PDGFD: variants seen among roughly 807,000 people sequenced by gnomAD.
PDGFD encodes platelet-derived growth factor D.
Under a neutral mutation model 44.7 loss-of-function variants are expected in PDGFD, and 30 were observed. The ratio of observed to expected loss-of-function variants is 0.67; its 90% CI spans 0.50 to 0.91. The LOEUF (loss-of-function observed/expected upper bound fraction) is 0.91. PDGFD is among the 40% of genes least tolerant of loss of function. The pLI, the probability that PDGFD is intolerant of heterozygous loss-of-function variation, is 0.00. For synonymous variants in PDGFD, 173 were observed against 168.4 expected, an observed-to-expected ratio of 1.03 and a Z score of -0.21; for missense variants, 445 against 457.8, an observed-to-expected ratio of 0.97 and a Z score of 0.25.
intron 1 of PDGFD, among the ~76,000 whole-genome samples, chr11:104,045,850 A>T (rs928906739): frequency 6.8e-6 from 1 of 147,296 alleles, no homozygotes; most frequent in African/African-American, 2.5e-5. Flanking sequence ...GTTTTTGATA[A>T]AGAAATGTGC....
At position 103,923,091 on chromosome 11, in the gene PDGFD, A is replaced by G. The variant is rs148870587; in HGVS notation, c.987+3821T>C. Reference sequence around the variant, plus strand: ...CTTACCAAGGCCTCTGTGTCACGTAAAACATATTCAATAAATGAGTACACT... The same window carrying G: ...CTTACCAAGGCCTCTGTGTCACGTAGAACATATTCAATAAATGAGTACACT... On this transcript the variant is annotated intron_variant, in intron 6 of 6. Coordinates refer to ENST00000393158, the MANE Select transcript of PDGFD (RefSeq NM_025208.5). Among the ~76,000 whole-genome samples, 67 of 152,296 alleles carry G rather than the reference A, an allele frequency of 4.4e-4. No homozygotes were observed. In the East Asian group the frequency reaches 0.013, roughly 29 times the overall value.
At chr11:103,956,026 T>C (rs866708167) in intron 3 of PDGFD, among the ~76,000 whole-genome samples, 13 of 152,046 alleles carry the variant, frequency 8.6e-5, no homozygotes, top group African/African-American at 2.9e-4. Flanking sequence ...ATTTTTATAC[T>C]TGTTAGTTTC....
intron 1 of PDGFD, among the ~76,000 whole-genome samples, chr11:104,141,704 G>A (rs1228655704): frequency 1.3e-5 from 2 of 152,092 alleles, no homozygotes; most frequent in Non-Finnish European, 2.9e-5. Flanking sequence ...TGAAGCTAGG[G>A]AGCATTTAAC....
At chr11:104,121,773 T>A (rs1032174131) in intron 1 of PDGFD, among the ~76,000 whole-genome samples, 1 of 152,060 alleles carries the variant, frequency 6.6e-6, no homozygotes, top group Non-Finnish European at 1.5e-5. Context: ...GTTTCATTAT[T>A]TTATGGATGA....
At chr11:104,087,434 C>G (rs1321351332) in intron 1 of PDGFD, among the ~76,000 whole-genome samples, 1 of 152,020 alleles carries the variant, frequency 6.6e-6, no homozygotes, top group Admixed American at 6.6e-5. Context: ...GTCTCAATCT[C>G]CTGGCCTCAT....
At position 104,103,771 on chromosome 11, in the gene PDGFD, A is replaced by T. The variant is rs562894006; in HGVS notation, c.124+60033T>A. Among the ~76,000 whole-genome samples, 9 of 152,232 alleles carry T rather than the reference A, an allele frequency of 5.9e-5. No individual in the cohort carries two copies. The South Asian group carries it at 1.9e-3, about 32-fold the overall frequency. Reference sequence around the variant, plus strand: ...TTACTCTACTGCCAGTCATAAAAAAAGTATAGCACATACAATGGGGTGCAT... The same window carrying T: ...TTACTCTACTGCCAGTCATAAAAAATGTATAGCACATACAATGGGGTGCAT... On this transcript the variant is annotated intron_variant, in intron 1 of 6. Coordinates refer to ENST00000393158, the MANE Select transcript of PDGFD (RefSeq NM_025208.5).
At chr11:104,044,014 A>C (rs1295793729) in intron 1 of PDGFD, among the ~76,000 whole-genome samples, 2 of 152,252 alleles carry the variant, frequency 1.3e-5, no homozygotes, top group Non-Finnish European at 2.9e-5. Context: ...GGGCTTACAC[A>C]ATAGGCGAAC....
chr11:104,069,631 C>T (rs1308205201), intron 1 of PDGFD, among the ~76,000 whole-genome samples: 1 of 152,140 alleles, frequency 6.6e-6, no homozygotes, highest in Non-Finnish European at 1.5e-5. Flanking sequence ...GAGTTCGAGG[C>T]CAGCGGATCA....
At chr11:104,065,622 C>T (rs539611337) in intron 1 of PDGFD, among the ~76,000 whole-genome samples, 119 of 152,096 alleles carry the variant, frequency 7.8e-4, no homozygotes, top group Non-Finnish European at 1.5e-3. Flanking sequence ...TAGAAAATTC[C>T]GCATTGCTAT....
intron 1 of PDGFD, among the ~76,000 whole-genome samples, chr11:104,151,009 T>C (rs1398863171): frequency 6.6e-6 from 1 of 152,206 alleles, no homozygotes; most frequent in Non-Finnish European, 1.5e-5. Context: ...GGTCATTTTA[T>C]ATAACATTTT....
chr11:104,023,315 C>T (rs1464553550), intron 1 of PDGFD, among the ~76,000 whole-genome samples: 1 of 152,092 alleles, frequency 6.6e-6, no homozygotes, highest in Non-Finnish European at 1.5e-5. Context: ...AATAGAATGT[C>T]AGCCATCCTG....
chr11:103,981,685 A>C (rs1465392274), intron 3 of PDGFD, among the ~76,000 whole-genome samples: 1 of 151,774 alleles, frequency 6.6e-6, no homozygotes, highest in Non-Finnish European at 1.5e-5. Flanking sequence ...AAAAGCTAAA[A>C]AACAAAAAAA....
intron 1 of PDGFD, chr11:104,036,731 G>C (rs1427110662): frequency 3.0e-6 from 3 of 986,676 alleles, no homozygotes; most frequent in East Asian, 2.4e-5. Flanking sequence ...ACCAAGTCCT[G>C]AGGAGCAGCG....
intron 1 of PDGFD, among the ~76,000 whole-genome samples, chr11:104,083,453 A>G (rs1157894841): frequency 6.6e-6 from 1 of 152,194 alleles, no homozygotes; most frequent in East Asian, 1.9e-4. Flanking sequence ...AGTCTTCAGT[A>G]TTTTTTATTC....
In PDGFD at chr11:103,907,712, T is replaced by G. The variant is rs1281632281; in HGVS notation, c.*1982A>C. The G allele has an allele frequency of 6.6e-6, 1 of 152,202 alleles. No homozygotes were observed. Among genetic ancestry groups the G allele is most frequent in the Non-Finnish European group, 1.5e-5 (1 of 68,030 alleles). The allele number at this position is 152,202 out of a possible 1,614,324, so 9.4% of individuals were successfully genotyped here. A position where few individuals can be genotyped will look rare whatever the true frequency, so the allele number is the denominator to read the frequency against. ...CAGCTACATTGTGAGCTGTTCAGGT[T>G]AGAGTGATGTAACGTTCATTTTGAC... On this transcript the variant is annotated 3_prime_UTR_variant, in exon 7 of 7. Coordinates refer to ENST00000393158, the MANE Select transcript of PDGFD (RefSeq NM_025208.5).
At chr11:103,992,029 C>G (rs904860028) in intron 3 of PDGFD, among the ~76,000 whole-genome samples, 6 of 152,140 alleles carry the variant, frequency 3.9e-5, no homozygotes, top group Non-Finnish European at 7.3e-5. Context: ...TTCATTTGTT[C>G]TCCAGCAAAG....
intron 5 of PDGFD, among the ~76,000 whole-genome samples, chr11:103,935,846 G>A (rs1416070554): frequency 6.6e-6 from 1 of 152,130 alleles, no homozygotes. Flanking sequence ...ATTTTACAAA[G>A]AGAAGAAAAT....
At chr11:104,135,456 C>A (rs192250439) in intron 1 of PDGFD, among the ~76,000 whole-genome samples, 1 of 152,262 alleles carries the variant, frequency 6.6e-6, no homozygotes, top group African/African-American at 2.4e-5. Flanking sequence ...AATAAGAGAA[C>A]ATGCTATTTT....
intron 3 of PDGFD, among the ~76,000 whole-genome samples, chr11:103,950,794 G>C (rs1368525306): frequency 1.3e-5 from 2 of 152,106 alleles, no homozygotes; most frequent in Non-Finnish European, 2.9e-5. Flanking sequence ...AATCAACAGA[G>C]CAGGAAACGC....
Sources: allele counts gnomAD v4.1 joint callset (sites outside exome capture counted in the v4.1 genomes callset), GRCh38; gene constraint gnomAD v4.1.1; transcripts MANE v1.5; gene names NCBI Gene and HGNC (gene_info 2026-07-23, HGNC 2026-07-21).